Variants in CAST observed in about 807,000 individuals in gnomAD.
The protein encoded by CAST is MIR583 host.
Under a neutral mutation model 119.6 loss-of-function variants are expected in CAST, and 76 were observed. That is an observed-to-expected ratio of 0.64 (90% CI 0.53 to 0.77). CAST has a LOEUF of 0.77. Ranked by LOEUF, CAST falls within the 30% of genes least tolerant of loss-of-function variation. The pLI, the probability that CAST is intolerant of heterozygous loss-of-function variation, is 0.00. For synonymous variants in CAST, 319 were observed against 331.6 expected (o/e 0.96, Z 0.41); for missense variants, 953 against 946.5 (o/e 1.01, Z -0.09).
intron 2 of CAST, among the ~76,000 whole-genome samples, chr5:96,685,718 G>A (rs1752003823): frequency 6.6e-6 from 1 of 152,124 alleles, no homozygotes; most frequent in African/African-American, 2.4e-5. Flanking sequence ...CTCTTTTTGT[G>A]CCTAAGAATC....
intron 1 of CAST, among the ~76,000 whole-genome samples, chr5:96,560,578 G>T (rs1746338287): frequency 1.3e-5 from 2 of 152,346 alleles, no homozygotes; most frequent in South Asian, 4.1e-4. Context: ...AGACATTTAT[G>T]CAGCCAAAAG....
the CAST span, among the ~76,000 whole-genome samples, chr5:96,028,329 G>T: frequency 6.6e-6 from 1 of 151,444 alleles, no homozygotes; most frequent in East Asian, 1.9e-4. Flanking sequence ...GGTTTATTTC[G>T]GTATAATTGA....
the CAST span, among the ~76,000 whole-genome samples, chr5:96,259,453 G>A: frequency 6.6e-6 from 1 of 152,172 alleles, no homozygotes; most frequent in East Asian, 1.9e-4. Flanking sequence ...TGAGTAACAT[G>A]ACTAAGCAGT....
At chr5:96,655,873 C>A (rs1316916356) in intron 1 of CAST, among the ~76,000 whole-genome samples, 2 of 152,034 alleles carry the variant, frequency 1.3e-5, no homozygotes, top group South Asian at 2.1e-4. Flanking sequence ...ATTAAAACAA[C>A]AAAAAAAATC....
At chr5:96,060,108 G>A in the CAST span, among the ~76,000 whole-genome samples, 55 of 152,250 alleles carry the variant, frequency 3.6e-4, no homozygotes, top group Non-Finnish European at 6.0e-4. Flanking sequence ...TAGTATATGA[G>A]CATTAATTTG....
chr5:96,682,822 T>C (rs972453786), intron 2 of CAST, among the ~76,000 whole-genome samples: 5 of 152,196 alleles, frequency 3.3e-5, no homozygotes, highest in Non-Finnish European at 7.3e-5. Flanking sequence ...ACATCCACTG[T>C]ATGAAATGAG....
At chr5:96,219,875 C>A in the CAST span, among the ~76,000 whole-genome samples, 1 of 152,258 alleles carries the variant, frequency 6.6e-6, no homozygotes, top group South Asian at 2.1e-4. Flanking sequence ...AATTCCTTCT[C>A]ATTGTCTCCA....
the CAST span, among the ~76,000 whole-genome samples, chr5:96,222,644 T>G: frequency 6.6e-6 from 1 of 151,848 alleles, no homozygotes; most frequent in African/African-American, 2.4e-5. Context: ...AAAAATAAAT[T>G]ATTATACACC....
At chr5:96,558,610 G>A (rs1746294026) in intron 1 of CAST, among the ~76,000 whole-genome samples, 2 of 152,184 alleles carry the variant, frequency 1.3e-5, no homozygotes, top group South Asian at 2.1e-4. Flanking sequence ...AAATCTAGAA[G>A]AAATGGATAA....
chr5:96,218,118 G>T, the CAST span, among the ~76,000 whole-genome samples: 2 of 152,102 alleles, frequency 1.3e-5, no homozygotes, highest in African/African-American at 4.8e-5. Flanking sequence ...TGTTTAAAAG[G>T]TTTTGCATGG....
At chr5:96,358,108 T>A in the CAST span, among the ~76,000 whole-genome samples, 2 of 152,188 alleles carry the variant, frequency 1.3e-5, no homozygotes, top group Non-Finnish European at 2.9e-5. Context: ...ATTTTCTAGT[T>A]TATTTGCATA....
the CAST span, among the ~76,000 whole-genome samples, chr5:96,447,888 G>T: frequency 6.6e-5 from 10 of 152,002 alleles, no homozygotes; most frequent in East Asian, 1.9e-3. Flanking sequence ...TGTCCGCTCT[G>T]ATCTTTATGG....
the CAST span, among the ~76,000 whole-genome samples, chr5:96,014,144 AT>A: frequency 0.28 from 40,531 of 143,298 alleles, 5,723 homozygotes; most frequent in African/African-American, 0.4. Context: ...TTTTGTATTC[AT>A]TTTTTTTTTT....
chr5:96,069,681 G>A, the CAST span, among the ~76,000 whole-genome samples: 3 of 16,786 alleles, frequency 1.8e-4, no homozygotes, highest in African/African-American at 6.4e-4. Context: ...TTTTTTTTTT[G>A]TAGAGAGGGA....
intron 1 of CAST, among the ~76,000 whole-genome samples, chr5:96,624,202 T>C (rs1374752777): frequency 2.0e-5 from 3 of 152,214 alleles, no homozygotes; most frequent in African/African-American, 7.2e-5. Context: ...TGATACCCAC[T>C]CTGTGTTATG....
the CAST span, among the ~76,000 whole-genome samples, chr5:96,012,621 G>T: frequency 2.0e-5 from 3 of 152,110 alleles, no homozygotes; most frequent in African/African-American, 7.2e-5. Context: ...TTCAAGTTTA[G>T]AAAAGTTACA....
the CAST span, among the ~76,000 whole-genome samples, chr5:96,120,357 A>G: frequency 6.6e-6 from 1 of 152,154 alleles, no homozygotes; most frequent in Non-Finnish European, 1.5e-5. Context: ...GCCGGAAGCA[A>G]CAGTTGGAGC....
chr5:96,397,111 A>T, the CAST span, among the ~76,000 whole-genome samples: 1 of 152,188 alleles, frequency 6.6e-6, no homozygotes, highest in Non-Finnish European at 1.5e-5. Context: ...TGTTTATATA[A>T]GTGTTTTTCC....
At chr5:96,190,535 G>A in the CAST span, among the ~76,000 whole-genome samples, 7 of 152,018 alleles carry the variant, frequency 4.6e-5, no homozygotes, top group African/African-American at 7.2e-5. Context: ...TCACATGTCC[G>A]CAGGATTCTA....
Sources: gnomAD v4.1 joint callset for allele counts (sites outside exome capture counted in the v4.1 genomes callset) on GRCh38, gnomAD v4.1.1 for gene constraint, MANE v1.5 for transcripts, NCBI Gene and HGNC (gene_info 2026-07-23, HGNC 2026-07-21) for gene names.